Variants in RARA observed in about 807,000 individuals in gnomAD.
RARA encodes the protein retinoic acid receptor alpha, also known as PML-DDX5-RARA fusion.
In RARA, 5 loss-of-function variants were observed where a neutral mutation model predicts 42.8. The ratio of observed to expected loss-of-function variants is 0.12; its 90% CI spans 0.06 to 0.25. The LOEUF is 0.25. Ranked by LOEUF, RARA falls within the 10% of genes least tolerant of loss-of-function variation. RARA has a pLI of 1.00. For synonymous variants in RARA, 256 were observed against 259.5 expected (o/e 0.99, Z 0.13); for missense variants, 402 against 628.7 (o/e 0.64, Z 3.86).
chr17:40,334,431 G>T (rs1480937775), intron 2 of RARA, among the ~76,000 whole-genome samples: 1 of 152,192 alleles, frequency 6.6e-6, no homozygotes, highest in African/African-American at 2.4e-5. Context: ...TCTTCTCTGG[G>T]ACAAGGTGTG....
Position 40,356,420 on chromosome 17 carries a change from G to A in RARA, c.*194G>A. 1 of 739,218 alleles carries A rather than the reference G, an allele frequency of 1.4e-6. No homozygotes were observed. The highest frequency in any genetic ancestry group is 1.5e-5 in the South Asian group (1 of 67,306). The allele number at this position is 739,218 out of a possible 1,614,324, so 45.8% of individuals were successfully genotyped here. ...GGCCTGGGCCCTCAGTGGACTGCCT[G>A]CTCCCACAGCCTGGGCTGACGTCAG... On this transcript the variant is annotated 3_prime_UTR_variant, in exon 9 of 9. Transcript: ENST00000254066.
rs775935061 is a variant in RARA at position 40,354,267 on chromosome 17, T to G, written c.808-35T>G. On this transcript the variant is annotated intron_variant, in intron 6 of 8. Transcript: ENST00000254066. This position sits in a 1 kb window ranked among gnomAD's most constrained non-coding sequence, Gnocchi z 4.5. ...GCCGAGTGCTCAGAGTGGGTTCGGGTTCAGTCCCTGAACCCAAGCATCCTC... is the reference window on the plus strand; with the variant it reads ...GCCGAGTGCTCAGAGTGGGTTCGGGGTCAGTCCCTGAACCCAAGCATCCTC... 16 of 1,599,536 alleles carry G rather than the reference T, an allele frequency of 1.0e-5. No homozygotes were observed. The highest frequency in any genetic ancestry group is 1.1e-5 in the Non-Finnish European group (13 of 1,171,316).
chr17:40,328,555 G>A (rs1044144090), intron 1 of RARA, among the ~76,000 whole-genome samples: 3 of 152,046 alleles, frequency 2.0e-5, no homozygotes, highest in African/African-American at 7.3e-5. Flanking sequence ...CCCAGAAAGA[G>A]CCCCCATACC....
chr17:40,328,161 C>G (rs2033595593), intron 1 of RARA, among the ~76,000 whole-genome samples: 1 of 152,168 alleles, frequency 6.6e-6, no homozygotes, highest in Non-Finnish European at 1.5e-5. Flanking sequence ...CTCAGCTGGG[C>G]CAGAATTCCT....
intron 1 of RARA, among the ~76,000 whole-genome samples, chr17:40,312,171 C>T (rs2033107930): frequency 6.6e-6 from 1 of 152,240 alleles, no homozygotes; most frequent in South Asian, 2.1e-4. Context: ...GAGCCAGGCC[C>T]TGCCCTTTGG....
In RARA at chr17:40,357,599, T is replaced by A. The variant is rs1006371526; in HGVS notation, c.*1373T>A. The A allele has an allele frequency of 4.3e-6, 1 of 230,792 alleles. No homozygotes were observed. The highest frequency in any genetic ancestry group is 6.1e-5 in the East Asian group (1 of 16,378). The allele number at this position is 230,792 out of a possible 1,614,324, so 14.3% of individuals were successfully genotyped here. ...GGGTGCACCTGTTACTGTTGGGCTT[T>A]CCACTGAGATCTACTGGATAAAGAA... On this transcript the variant is annotated 3_prime_UTR_variant, in exon 9 of 9. Coordinates refer to ENST00000254066, the MANE Select transcript of RARA (RefSeq NM_000964.4).
At chr17:40,321,110 G>T (rs1032690137) in intron 1 of RARA, among the ~76,000 whole-genome samples, 1 of 152,080 alleles carries the variant, frequency 6.6e-6, no homozygotes, top group Non-Finnish European at 1.5e-5. Context: ...ATGCACGGTG[G>T]GGGGCAGGGC....
At chr17:40,333,105 A>G (rs112174694) in intron 2 of RARA, among the ~76,000 whole-genome samples, 1 of 152,144 alleles carries the variant, frequency 6.6e-6, no homozygotes, top group Admixed American at 6.5e-5. Context: ...GCTGGAGTGC[A>G]GTGGTGCGAT....
rs560479516 is a variant in RARA at position 40,348,640 on chromosome 17, C to A, written c.327+176C>A. ...CACAGTTTCCCCACAGGTCCTCCCC[C>A]ATAAATGTGCAGGGCTCCCTCAAAC... On this transcript the variant is annotated intron_variant, in intron 3 of 8. Transcript: ENST00000254066. 6.2e-5 allele frequency: 45 copies of A among 730,940 alleles called. 1 individual carries two copies. In the South Asian group the frequency reaches 1.0e-3, roughly 16 times the overall value. 45.3% of individuals were successfully genotyped at this position (730,940 alleles called of 1,614,324 possible). A position where few individuals can be genotyped will look rare whatever the true frequency, so the allele number is the denominator to read the frequency against.
At chr17:40,310,888 G>C (rs997607807) in intron 1 of RARA, among the ~76,000 whole-genome samples, 1 of 152,030 alleles carries the variant, frequency 6.6e-6, no homozygotes, top group South Asian at 2.1e-4. Flanking sequence ...CAATCTCTCC[G>C]CCTTTAGTTT....
intron 2 of RARA, among the ~76,000 whole-genome samples, chr17:40,343,773 A>G (rs1403520201): frequency 6.6e-6 from 1 of 151,902 alleles, no homozygotes; most frequent in Non-Finnish European, 1.5e-5. Flanking sequence ...CACTGATGAG[A>G]ATCCTAGCAT....
intron 1 of RARA, among the ~76,000 whole-genome samples, chr17:40,309,546 G>T (rs558915371): frequency 6.6e-6 from 1 of 152,336 alleles, no homozygotes; most frequent in South Asian, 2.1e-4. Flanking sequence ...GTAGGGGGAA[G>T]GTCTGCCCAG....
At chr17:40,310,477 C>A (rs1159356791) in intron 1 of RARA, among the ~76,000 whole-genome samples, 1 of 152,074 alleles carries the variant, frequency 6.6e-6, no homozygotes, top group African/African-American at 2.4e-5. Context: ...GGTGGCATGT[C>A]CCCATCTGGT....
chr17:40,321,081 C>T (rs1427470744), intron 1 of RARA, among the ~76,000 whole-genome samples: 1 of 152,064 alleles, frequency 6.6e-6, no homozygotes, highest in African/African-American at 2.4e-5. Flanking sequence ...TGTCTGGAGC[C>T]CACACAGTTT....
intron 1 of RARA, chr17:40,318,443 T>A (rs1395525160): frequency 6.6e-6 from 1 of 152,350 alleles, no homozygotes; most frequent in African/African-American, 2.4e-5. Flanking sequence ...CTTCCCCCGC[T>A]GCGAGGTAAT....
intron 2 of RARA, among the ~76,000 whole-genome samples, chr17:40,344,781 G>A (rs1412629841): frequency 6.6e-6 from 1 of 152,200 alleles, no homozygotes; most frequent in Non-Finnish European, 1.5e-5. Flanking sequence ...GAGGCTGTGA[G>A]GTTGGGAGTG....
At chr17:40,317,675 G>A (rs781780432) in intron 1 of RARA, among the ~76,000 whole-genome samples, 3 of 149,444 alleles carry the variant, frequency 2.0e-5, no homozygotes, top group African/African-American at 2.5e-5. Context: ...AGATATACTT[G>A]CGGGAGATCT....
chr17:40,355,891 C>A lies in RARA; in HGVS notation c.1172-118C>A. ...GCTGGCTCGTGTCAAAGAACTGAAT[C>A]CCAAGAAAGATGCTAATATCAGCAG... On this transcript the variant is annotated intron_variant, in intron 8 of 8. Coordinates refer to ENST00000254066, the MANE Select transcript of RARA (RefSeq NM_000964.4). This position sits in a 1 kb window ranked among gnomAD's most constrained non-coding sequence, Gnocchi z 4.1. The A allele has an allele frequency of 1.1e-6, 1 of 940,926 alleles. No homozygotes were observed. The highest frequency in any genetic ancestry group is 1.6e-6 in the Non-Finnish European group (1 of 632,022). 58.3% of individuals were successfully genotyped at this position (940,926 alleles called of 1,614,324 possible).
At position 40,331,201 on chromosome 17, in the gene RARA, T is replaced by C. The variant is rs2143276434; in HGVS notation, c.-18T>C. On this transcript the variant is annotated 5_prime_UTR_variant, in exon 2 of 9. Transcript: ENST00000254066. ...CCTGCCAGACTGTCTGCCTCCCTTC[T>C]GACTGTGGCCGCTTGGCATGGCCAG... 1 of 1,600,926 alleles carries C rather than the reference T, an allele frequency of 6.2e-7. No individual in the cohort carries two copies. The highest frequency in any genetic ancestry group is 1.1e-5 in the South Asian group (1 of 89,728).
Sources: gnomAD v4.1 joint callset for allele counts (sites outside exome capture counted in the v4.1 genomes callset) on GRCh38, gnomAD v4.1.1 for gene constraint, Gnocchi (gnomAD v3.1) non-coding constraint, MANE v1.5 for transcripts, NCBI Gene and HGNC (gene_info 2026-07-23, HGNC 2026-07-21) for gene names.